TMEFF2: variants seen among roughly 807,000 people sequenced by gnomAD.
TMEFF2 encodes the protein tomoregulin-2.
A neutral mutation model predicts 53.8 loss-of-function variants in TMEFF2; 28 were observed. The ratio of observed to expected loss-of-function variants is 0.52; its 90% CI spans 0.39 to 0.71. The LOEUF (loss-of-function observed/expected upper bound fraction) is 0.71, where lower values mean the gene tolerates loss of function less well. TMEFF2 is among the 30% of genes least tolerant of loss of function. TMEFF2 has a pLI of 0.00. For missense variants in TMEFF2, 353 were observed against 455.2 expected, an observed-to-expected ratio of 0.78 and a Z score of 2.04; for synonymous variants, 162 against 166.3, an observed-to-expected ratio of 0.97 and a Z score of 0.20.
At chr2:192,021,784 A>AT (rs1256973005) in intron 5 of TMEFF2, 1 of 152,290 alleles carries the variant, frequency 6.6e-6, no homozygotes, top group Non-Finnish European at 1.5e-5. Context: ...AATCTAAGGA[A>AT]TTTTGAAAAT....
chr2:191,949,230 C>A lies in TMEFF2; in HGVS notation c.*1081G>T. ...CAAATCAAACAAAAATCCATACCAA[C>A]TTCCCAGTGAGGTCTTTCAGATGCT... On this transcript the variant is annotated 3_prime_UTR_variant, in exon 10 of 10. Coordinates refer to ENST00000272771, the MANE Select transcript of TMEFF2 (RefSeq NM_016192.4). 1.0e-6 allele frequency: 1 copy of A among 985,386 alleles called. No individual in the cohort carries two copies. The highest frequency in any genetic ancestry group is 1.2e-6 in the Non-Finnish European group (1 of 829,898). The allele number at this position is 985,386 out of a possible 1,614,324, so 61.0% of individuals were successfully genotyped here. A position where few individuals can be genotyped will look rare whatever the true frequency, so the allele number is the denominator to read the frequency against.
At chr2:191,962,057 G>A (rs1166163868) in intron 7 of TMEFF2, among the ~76,000 whole-genome samples, 1 of 152,186 alleles carries the variant, frequency 6.6e-6, no homozygotes, top group East Asian at 1.9e-4. Context: ...CAGAGACCCA[G>A]TCATAACATT....
At chr2:191,971,735 A>ATG (rs1272865534) in intron 7 of TMEFF2, among the ~76,000 whole-genome samples, 6 of 152,220 alleles carry the variant, frequency 3.9e-5, no homozygotes, top group African/African-American at 1.4e-4. Flanking sequence ...CAGGTATAGT[A>ATG]TGTACAGTGG....
intron 4 of TMEFF2, among the ~76,000 whole-genome samples, chr2:192,067,503 G>A (rs1465151378): frequency 2.6e-5 from 4 of 151,758 alleles, no homozygotes; most frequent in African/African-American, 9.7e-5. Context: ...AAATACTGCA[G>A]GAAAATTAAT....
At chr2:192,111,044 C>T (rs1038013016) in intron 4 of TMEFF2, among the ~76,000 whole-genome samples, 1 of 152,182 alleles carries the variant, frequency 6.6e-6, no homozygotes, top group Non-Finnish European at 1.5e-5. Flanking sequence ...CGTTAAATCT[C>T]TTTTCCTTTA....
intron 4 of TMEFF2, among the ~76,000 whole-genome samples, chr2:192,122,584 G>T (rs767870155): frequency 2.0e-5 from 3 of 152,052 alleles, no homozygotes; most frequent in Non-Finnish European, 1.5e-5. Flanking sequence ...CTTCGGTACT[G>T]ATCAACGGGG....
rs570953700 is a variant in TMEFF2 at position 191,995,289 on chromosome 2, G to C, written c.745+2973C>G. Among the ~76,000 whole-genome samples, 110 of 151,976 alleles carry C rather than the reference G, an allele frequency of 7.2e-4. 1 individual carries two copies. The highest frequency in any genetic ancestry group is 1.3e-3 in the Non-Finnish European group (91 of 67,904). ...AGAAACATGTGTTCCTGTATTAATA[G>C]CTCTTAAAGTAGGCTCAAAGAAAAA... On this transcript the variant is annotated intron_variant, in intron 7 of 9. Coordinates refer to ENST00000272771, the MANE Select transcript of TMEFF2 (RefSeq NM_016192.4).
chr2:192,165,976 T>A (rs1690755458), intron 4 of TMEFF2, among the ~76,000 whole-genome samples: 1 of 152,186 alleles, frequency 6.6e-6, no homozygotes, highest in Admixed American at 6.5e-5. Flanking sequence ...TCCCCTTTCA[T>A]ACATTCATTT....
At chr2:192,155,419 G>A (rs1003670185) in intron 4 of TMEFF2, among the ~76,000 whole-genome samples, 3 of 151,906 alleles carry the variant, frequency 2.0e-5, no homozygotes, top group African/African-American at 7.2e-5. Flanking sequence ...ATAAACACTT[G>A]GCTTACAGTA....
intron 4 of TMEFF2, among the ~76,000 whole-genome samples, chr2:192,100,528 A>T (rs1689009770): frequency 6.6e-6 from 1 of 152,182 alleles, no homozygotes; most frequent in Non-Finnish European, 1.5e-5. Flanking sequence ...CTTAGTGAAG[A>T]ATGACCCTTT....
chr2:192,162,219 A>T (rs1574425550), intron 4 of TMEFF2, among the ~76,000 whole-genome samples: 1 of 152,172 alleles, frequency 6.6e-6, no homozygotes, highest in Non-Finnish European at 1.5e-5. Flanking sequence ...TACTCACATC[A>T]CCATCAGCCA....
chr2:192,046,438 G>A (rs1254627633), intron 5 of TMEFF2, among the ~76,000 whole-genome samples: 1 of 152,084 alleles, frequency 6.6e-6, no homozygotes, highest in Non-Finnish European at 1.5e-5. Flanking sequence ...CTGCTTTCTA[G>A]GACTGGTGCA....
chr2:192,165,181 T>G (rs1301502953), intron 4 of TMEFF2, among the ~76,000 whole-genome samples: 1 of 152,186 alleles, frequency 6.6e-6, no homozygotes, highest in Non-Finnish European at 1.5e-5. Flanking sequence ...AGTTTATAAT[T>G]TTCTGTTATA....
chr2:192,131,300 G>T (rs1478082555), intron 4 of TMEFF2, among the ~76,000 whole-genome samples: 4 of 146,736 alleles, frequency 2.7e-5, no homozygotes, highest in African/African-American at 1.0e-4. Flanking sequence ...CTGGGGAAGG[G>T]ACAAGTACCC....
intron 7 of TMEFF2, among the ~76,000 whole-genome samples, chr2:191,972,152 T>G (rs1442930298): frequency 2.0e-5 from 3 of 150,622 alleles, no homozygotes; most frequent in Admixed American, 6.6e-5. Context: ...TTTTTTGTTT[T>G]TTTTTTTTTT....
chr2:192,059,167 T>G (rs973995460), intron 4 of TMEFF2, among the ~76,000 whole-genome samples: 1 of 152,080 alleles, frequency 6.6e-6, no homozygotes, highest in African/African-American at 2.4e-5. Flanking sequence ...TTTTTTCCTG[T>G]GCTTGATAGT....
At chr2:192,000,955 C>T (rs1231712311) in intron 5 of TMEFF2, among the ~76,000 whole-genome samples, 1 of 152,114 alleles carries the variant, frequency 6.6e-6, no homozygotes, top group East Asian at 1.9e-4. Flanking sequence ...ACATTGCTAC[C>T]TCAGCTGATT....
intron 4 of TMEFF2, among the ~76,000 whole-genome samples, chr2:192,119,970 AAC>A (rs1436346373): frequency 6.6e-6 from 1 of 152,210 alleles, no homozygotes; most frequent in Non-Finnish European, 1.5e-5. Flanking sequence ...TCTAGAGAAT[AAC>A]ACAGGAAATT....
chr2:192,074,901 A>G (rs1010426506), intron 4 of TMEFF2, among the ~76,000 whole-genome samples: 13 of 151,944 alleles, frequency 8.6e-5, no homozygotes, highest in African/African-American at 2.4e-4. Flanking sequence ...CATGAAGTGG[A>G]GAGAATATCT....
Sources: gnomAD v4.1 joint callset for allele counts (sites outside exome capture counted in the v4.1 genomes callset) on GRCh38, gnomAD v4.1.1 for gene constraint, MANE v1.5 for transcripts, NCBI Gene and HGNC (gene_info 2026-07-23, HGNC 2026-07-21) for gene names.